Variants in AIMP1 observed in about 807,000 individuals in gnomAD.
The protein encoded by AIMP1 is aminoacyl tRNA synthetase complex interacting multifunctional protein 1, also known as aminoacyl tRNA synthase complex-interacting multifunctional protein 1.
A neutral mutation model predicts 33.1 loss-of-function variants in AIMP1; 24 were observed. The observed-to-expected ratio is 0.73, with a 90% confidence interval of 0.53 to 1.02. The LOEUF (loss-of-function observed/expected upper bound fraction) is 1.02. Ranked by LOEUF, AIMP1 falls within the 50% of genes least tolerant of loss-of-function variation. The pLI, the probability that AIMP1 is intolerant of heterozygous loss-of-function variation, is 0.00. For synonymous variants in AIMP1, 120 were observed against 121.5 expected (o/e 0.99, Z 0.08); for missense variants, 367 against 364.8 (o/e 1.01, Z -0.05).
chr4:106,315,929 G>C (rs1476440681), upstream of AIMP1: 1 of 152,748 alleles, frequency 6.5e-6, no homozygotes. Context: ...CCAAATACCT[G>C]CCTCTGAGTC....
chr4:106,338,846 G>A (rs1040824202), intron 6 of AIMP1, among the ~76,000 whole-genome samples: 1 of 152,218 alleles, frequency 6.6e-6, no homozygotes, highest in African/African-American at 2.4e-5. Flanking sequence ...CTGGGATGGT[G>A]GCTGTGCCCT....
intron 5 of AIMP1, among the ~76,000 whole-genome samples, chr4:106,336,546 C>T (rs1450158205): frequency 6.6e-6 from 1 of 152,162 alleles, no homozygotes; most frequent in Non-Finnish European, 1.5e-5. Flanking sequence ...GGAGTGTCAA[C>T]TTTATGCATT....
At chr4:106,320,800 G>A (rs940380029) in intron 1 of AIMP1, among the ~76,000 whole-genome samples, 7 of 152,080 alleles carry the variant, frequency 4.6e-5, no homozygotes, top group Non-Finnish European at 7.4e-5. Flanking sequence ...ATGCCGAGCC[G>A]AGGCTGGACT....
intron 6 of AIMP1, among the ~76,000 whole-genome samples, chr4:106,339,996 G>A (rs541118971): frequency 6.6e-6 from 1 of 152,164 alleles, no homozygotes; most frequent in Non-Finnish European, 1.5e-5. Context: ...CTTCAAATAG[G>A]TCTTTGAAGC....
intron 2 of AIMP1, among the ~76,000 whole-genome samples, chr4:106,325,331 C>T (rs557155125): frequency 6.6e-6 from 1 of 152,066 alleles, no homozygotes; most frequent in East Asian, 1.9e-4. Flanking sequence ...TAGTCAATGT[C>T]AGAATAGAAA....
Position 106,327,547 on chromosome 4 carries a change from C to A in AIMP1, c.206C>A (p.Ala69Glu). ...IEELKQELIQ[A>E]EIQNGVKQIP... ...GAACTGAAACAAGAGCTAATTCAGGCAGAAATTCAAAATGGAGGTAATTAA... is the reference window on the plus strand; with the variant it reads ...GAACTGAAACAAGAGCTAATTCAGGAAGAAATTCAAAATGGAGGTAATTAA... Residue 69 changes from alanine (A) to glutamate (E), a missense_variant, in exon 3 of 7, where the codon GCA becomes GAA. Transcript: ENST00000672341. The A allele has an allele frequency of 1.2e-6, 2 of 1,611,160 alleles. No individual in the cohort carries two copies. Among genetic ancestry groups the A allele is most frequent in the Non-Finnish European group, 1.7e-6 (2 of 1,178,078 alleles).
upstream of AIMP1, chr4:106,316,475 C>A: frequency 6.9e-7 from 1 of 1,441,258 alleles, no homozygotes; most frequent in Non-Finnish European, 9.6e-7. Flanking sequence ...ATCTGTAGAA[C>A]ACTCAGGCTT....
chr4:106,316,561 T>C lies in AIMP1; in HGVS notation c.-59T>C, dbSNP rs896683156. On this transcript the variant is annotated 5_prime_UTR_variant, in exon 1 of 7. Transcript: ENST00000672341. ...GGCTGGACCTACATGCTTCCTGCTG[T>C]GGCTGTCTCGGAACCCGTGGTCCTC... 2.6e-5 allele frequency: 40 copies of C among 1,551,520 alleles called. No individual in the cohort carries two copies. Among genetic ancestry groups the C allele is most frequent in the Non-Finnish European group, 2.7e-5 (31 of 1,146,970 alleles).
chr4:106,316,522 T>A (rs1768897987), upstream of AIMP1: 1 of 1,551,498 alleles, frequency 6.4e-7, no homozygotes, highest in Non-Finnish European at 8.7e-7. Flanking sequence ...TTCTCACTGC[T>A]ATAGTACGCG....
upstream of AIMP1, chr4:106,316,303 C>T: frequency 2.2e-6 from 1 of 457,568 alleles, no homozygotes; most frequent in East Asian, 3.6e-5. Flanking sequence ...CTTCCCCTTG[C>T]CCAAACTGGC....
At chr4:106,345,470 T>C (rs921130134) in intron 6 of AIMP1, among the ~76,000 whole-genome samples, 1 of 152,234 alleles carries the variant, frequency 6.6e-6, no homozygotes, top group African/African-American at 2.4e-5. Flanking sequence ...AAAAATCTTA[T>C]GGATCTAAGG....
At chr4:106,341,398 T>C (rs1361007297) in intron 6 of AIMP1, among the ~76,000 whole-genome samples, 1 of 152,178 alleles carries the variant, frequency 6.6e-6, no homozygotes, top group Admixed American at 6.5e-5. Context: ...TTTCTTAGAT[T>C]TTCTTCTAGG....
At position 106,348,927 on chromosome 4, in the gene AIMP1, C is replaced by T. The variant is rs906144578; in HGVS notation, c.*1235C>T. The T allele has an allele frequency of 1.3e-5, 2 of 152,044 alleles. No individual in the cohort carries two copies. Among genetic ancestry groups the T allele is most frequent in the South Asian group, 2.1e-4 (1 of 4,830 alleles). 9.4% of individuals were successfully genotyped at this position (152,044 alleles called of 1,614,324 possible). On this transcript the variant is annotated 3_prime_UTR_variant, in exon 7 of 7. Coordinates refer to ENST00000672341, the MANE Select transcript of AIMP1 (RefSeq NM_001142416.2). ...CACACAAAACATTTTAGCATTATAG[C>T]TGTCTGAATCCTTCAATAAGAAGGA... is the stretch of plus-strand genomic sequence containing the variant.
chr4:106,331,618 G>GT (rs1348545324), intron 4 of AIMP1, 54 bp from the exon 5 acceptor site: 51 of 1,533,044 alleles, frequency 3.3e-5, no homozygotes, highest in East Asian at 1.8e-4. Flanking sequence ...TTTTCATAGT[G>GT]TTTTTTTGCT....
At chr4:106,343,273 C>T (rs1002691004) in intron 6 of AIMP1, among the ~76,000 whole-genome samples, 8 of 152,156 alleles carry the variant, frequency 5.3e-5, no homozygotes, top group Non-Finnish European at 1.2e-4. Flanking sequence ...TTTAATGTCA[C>T]CTTTGTCATT....
intron 1 of AIMP1, among the ~76,000 whole-genome samples, chr4:106,322,153 C>T (rs1467731442): frequency 4.6e-5 from 7 of 152,202 alleles, no homozygotes; most frequent in East Asian, 1.9e-4. Context: ...CTGCAGAAGG[C>T]GGCAGGGCCC....
chr4:106,327,437 G>A lies in AIMP1; in HGVS notation c.110-14G>A, dbSNP rs754076648. 2 of 1,578,620 alleles carry A rather than the reference G, an allele frequency of 1.3e-6. No individual in the cohort carries two copies. Among genetic ancestry groups the A allele is most frequent in the South Asian group, 1.1e-5 (1 of 90,206 alleles). On this transcript the variant is annotated splice_polypyrimidine_tract_variant and intron_variant, in intron 2 of 6. Transcript: ENST00000672341. ...TTTTAAAAACATATTTTAACTGGAT[G>A]TTCTTGATCCTAGTTTTGCAGGCAA...
chr4:106,323,252 C>G (rs1031005167), intron 1 of AIMP1, among the ~76,000 whole-genome samples: 4 of 151,934 alleles, frequency 2.6e-5, no homozygotes, highest in African/African-American at 9.7e-5. Context: ...GATTTATTAT[C>G]TCTATTTTCA....
At chr4:106,322,113 T>C (rs1176574248) in intron 1 of AIMP1, among the ~76,000 whole-genome samples, 6 of 152,006 alleles carry the variant, frequency 3.9e-5, no homozygotes, top group African/African-American at 1.5e-4. Context: ...TTATCACCAC[T>C]CCCTAATCTC....
Sources: gnomAD v4.1 joint callset for allele counts (sites outside exome capture counted in the v4.1 genomes callset) on GRCh38, gnomAD v4.1.1 for gene constraint, MANE v1.5 for transcripts, NCBI Gene and HGNC (gene_info 2026-07-23, HGNC 2026-07-21) for gene names.